DCDC2C: variants seen among roughly 807,000 people sequenced by gnomAD.
DCDC2C encodes the protein doublecortin domain containing 2C, also known as doublecortin domain-containing protein 2C.
DCDC2C carries 44 observed loss-of-function variants against 45.0 expected under a neutral mutation model. The ratio of observed to expected loss-of-function variants is 0.98; its 90% confidence interval spans 0.77 to 1.26. The LOEUF (loss-of-function observed/expected upper bound fraction) is 1.26. Among genes scored for constraint, DCDC2C ranks in the 50% most tolerant of loss-of-function variants. The pLI, the probability that DCDC2C is intolerant of heterozygous loss-of-function variation, is 0.00. For synonymous variants in DCDC2C, 187 were observed against 178.8 expected (o/e 1.05, Z -0.37); for missense variants, 447 against 468.9 (o/e 0.95, Z 0.43).
At chr2:3,787,846 C>A (rs1203606034) in intron 10 of DCDC2C, among the ~76,000 whole-genome samples, 5 of 152,154 alleles carry the variant, frequency 3.3e-5, no homozygotes, top group African/African-American at 1.2e-4. Flanking sequence ...ATAGAAAATT[C>A]TATCTTAAGA....
chr2:3,774,625 G>A (rs1212522965), intron 8 of DCDC2C, among the ~76,000 whole-genome samples: 2 of 152,224 alleles, frequency 1.3e-5, no homozygotes, highest in Admixed American at 1.3e-4. Flanking sequence ...GCTGCCGCGT[G>A]TCTATGCCTC....
chr2:3,741,894 G>A, intron 3 of DCDC2C, 26 bp from the exon 4 acceptor site: 1 of 1,534,956 alleles, frequency 6.5e-7, no homozygotes, highest in Non-Finnish European at 8.8e-7. Context: ...AGGTATTAAT[G>A]GATGCTTTTC....
chr2:3,802,051 C>T (rs1469954093), intron 10 of DCDC2C, among the ~76,000 whole-genome samples: 1 of 152,226 alleles, frequency 6.6e-6, no homozygotes, highest in Non-Finnish European at 1.5e-5. Flanking sequence ...TTCAGAAGAA[C>T]TCCCCTAGGA....
chr2:3,736,151 C>T lies in DCDC2C; in HGVS notation c.417-5769C>T, dbSNP rs367961039. The stretch of plus-strand genomic sequence containing the variant: ...AGAAGAACTTAAGCAAGTCGGACAC[C>T]ATGTCGGGGAACATAGATGAGAGGG... On this transcript the variant is annotated intron_variant, in intron 3 of 10. Transcript: ENST00000399143. Among the ~76,000 whole-genome samples, 16 of 152,236 alleles carry T rather than the reference C, an allele frequency of 1.1e-4. No homozygotes were observed. In the South Asian group the frequency reaches 3.3e-3, roughly 32 times the overall value.
At chr2:3,798,505 G>A (rs1671023141) in intron 10 of DCDC2C, among the ~76,000 whole-genome samples, 2 of 150,904 alleles carry the variant, frequency 1.3e-5, no homozygotes, top group South Asian at 2.1e-4. Context: ...GCAGCGGCTG[G>A]TACCGGTTGT....
At chr2:3,835,356 A>G (rs1672049004) in intron 10 of DCDC2C, among the ~76,000 whole-genome samples, 1 of 152,240 alleles carries the variant, frequency 6.6e-6, no homozygotes, top group Admixed American at 6.5e-5. Context: ...CAATAAAAAT[A>G]GAGATAAAAG....
chr2:3,752,102 C>T (rs1197925224), intron 4 of DCDC2C, among the ~76,000 whole-genome samples: 4 of 152,198 alleles, frequency 2.6e-5, no homozygotes, highest in Non-Finnish European at 5.9e-5. Flanking sequence ...CAGCTGGGTT[C>T]AGCCTTTCTC....
At chr2:3,791,696 A>C (rs1670815148) in intron 10 of DCDC2C, among the ~76,000 whole-genome samples, 1 of 151,840 alleles carries the variant, frequency 6.6e-6, no homozygotes, top group Non-Finnish European at 1.5e-5. Flanking sequence ...TGACCCTCAC[A>C]CCTCTCCAGC....
intron 6 of DCDC2C, among the ~76,000 whole-genome samples, chr2:3,763,900 A>T (rs1669951064): frequency 1.3e-5 from 2 of 152,202 alleles, no homozygotes; most frequent in Admixed American, 6.5e-5. Context: ...GCGATTATTG[A>T]GGGAATGAAT....
chr2:3,815,601 A>G (rs746442160), intron 10 of DCDC2C, among the ~76,000 whole-genome samples: 1 of 152,238 alleles, frequency 6.6e-6, no homozygotes, highest in Non-Finnish European at 1.5e-5. Context: ...TGTGAGCAAC[A>G]AGGCTGTTTA....
chr2:3,768,277 G>C lies in DCDC2C; in HGVS notation c.853+397G>C, dbSNP rs13387312. The stretch of plus-strand genomic sequence containing the variant: ...TTTTGAGTATAAGAAACATTTAAAA[G>C]ATGGATCTTCAGAGCTGGTTTTAAA... On this transcript the variant is annotated intron_variant, in intron 7 of 10. Coordinates refer to ENST00000399143, the MANE Select transcript of DCDC2C (RefSeq NM_001287444.2). Among the ~76,000 whole-genome samples the C allele has an allele frequency of 5.4e-3, 828 of 152,048 alleles. 7 individuals carry two copies. The highest frequency in any genetic ancestry group is 0.019 in the African/African-American group (786 of 41,480).
At chr2:3,831,567 GT>G (rs1429526348) in intron 10 of DCDC2C, among the ~76,000 whole-genome samples, 1 of 152,210 alleles carries the variant, frequency 6.6e-6, no homozygotes, top group African/African-American at 2.4e-5. Context: ...GTGGCCTTTT[GT>G]TGATGGAAAC....
intron 8 of DCDC2C, among the ~76,000 whole-genome samples, chr2:3,776,290 G>A (rs963936190): frequency 2.0e-5 from 3 of 152,150 alleles, no homozygotes; most frequent in Non-Finnish European, 2.9e-5. Flanking sequence ...TCCTCTTTGA[G>A]CGTGTCTGTC....
At chr2:3,774,162 T>C (rs1482439121) in intron 8 of DCDC2C, among the ~76,000 whole-genome samples, 2 of 152,250 alleles carry the variant, frequency 1.3e-5, no homozygotes, top group African/African-American at 2.4e-5. Flanking sequence ...AAAAACCTAA[T>C]GAAGCTTTAG....
rs1430483291 is a variant in DCDC2C at position 3,761,220 on chromosome 2, A to G, written c.727-6534A>G. ...TATTAAAATGAATGTTTTATGGTTC[A>G]GGCTTCTGTGAAAAATCAGTAAATA... On this transcript the variant is annotated intron_variant, in intron 6 of 10. Coordinates refer to ENST00000399143, the MANE Select transcript of DCDC2C (RefSeq NM_001287444.2). This position sits in a 1 kb window ranked among gnomAD's most constrained non-coding sequence, Gnocchi z 4.3. Among the ~76,000 whole-genome samples, 1 of 152,234 alleles carries G rather than the reference A, an allele frequency of 6.6e-6. No homozygotes were observed. Among genetic ancestry groups the G allele is most frequent in the Non-Finnish European group, 1.5e-5 (1 of 68,018 alleles).
chr2:3,806,984 T>C (rs1671266542), intron 10 of DCDC2C, among the ~76,000 whole-genome samples: 1 of 152,258 alleles, frequency 6.6e-6, no homozygotes, highest in South Asian at 2.1e-4. Flanking sequence ...ATGACTGGCG[T>C]TGGGGTGGTC....
intron 9 of DCDC2C, among the ~76,000 whole-genome samples, chr2:3,782,923 G>A (rs1670555457): frequency 6.6e-6 from 1 of 152,192 alleles, no homozygotes; most frequent in African/African-American, 2.4e-5. Context: ...CCTTTCCAAA[G>A]CAAGATGGAA....
chr2:3,801,878 G>A (rs6542653), intron 10 of DCDC2C, among the ~76,000 whole-genome samples: 37,219 of 152,212 alleles, frequency 0.24, 5,147 homozygotes, highest in African/African-American at 0.38. Context: ...CTGGGCTGAC[G>A]GGACACTACT....
chr2:3,829,708 G>C (rs1671908160), intron 10 of DCDC2C, among the ~76,000 whole-genome samples: 1 of 152,086 alleles, frequency 6.6e-6, no homozygotes, highest in African/African-American at 2.4e-5. Flanking sequence ...CCAGGCTTCT[G>C]CTCATTTTCC....
Sources: gnomAD v4.1 joint callset for allele counts (sites outside exome capture counted in the v4.1 genomes callset) on GRCh38, gnomAD v4.1.1 for gene constraint, Gnocchi (gnomAD v3.1) non-coding constraint, MANE v1.5 for transcripts, NCBI Gene and HGNC (gene_info 2026-07-23, HGNC 2026-07-21) for gene names.